CTAGE9: variants seen among roughly 807,000 people sequenced by gnomAD.
CTAGE9 encodes the protein CTAGE family member 9, also known as cutaneous T-cell lymphoma-associated antigen 9.
For synonymous variants in CTAGE9, 107 were observed against 315.9 expected (o/e 0.34, Z 7.01); for missense variants, 248 against 884.0 (o/e 0.28, Z 9.12).
chr6:131,710,896 G>C lies in CTAGE9; in HGVS notation c.122C>G (p.Ser41Trp). 6.2e-7 allele frequency: 1 copy of C among 1,605,020 alleles called. No individual in the cohort carries two copies. Among genetic ancestry groups the C allele is most frequent in the Non-Finnish European group, 8.5e-7 (1 of 1,179,534 alleles). ...AACAGCTGCACATACCACCAGTTCC[G>C]ATGGAAAACCATAAGGATTCTCATC... is the stretch of plus-strand genomic sequence containing the variant. ...RPDENPYGFP[S>W]ELVVCAAVIG... is the part of the protein sequence containing the mutation. The change falls in exon 1 of 1, where the codon TCG becomes TGG. Residue 41 changes from serine to tryptophan, a missense_variant. Physicochemically the swap from Ser to Trp is radical, Grantham distance 177. Coordinates refer to ENST00000314099, the MANE Select transcript of CTAGE9 (RefSeq NM_001145659.1).
Position 131,709,797 on chromosome 6 carries a change from A to G in CTAGE9, c.1221T>C (p.Asn407=), listed in dbSNP as rs764486428. 1.2e-5 allele frequency: 20 copies of G among 1,612,776 alleles called. 1 individual carries two copies. The South Asian group carries it at 2.2e-4, about 18-fold the overall frequency. Residue 407 remains asparagine, a synonymous_variant, in exon 1 of 1, where the codon AAT becomes AAC. Coordinates refer to ENST00000314099, the MANE Select transcript of CTAGE9 (RefSeq NM_001145659.1). The stretch of plus-strand genomic sequence containing the variant: ...GCTTCTCTTCTTCCTCTATTCGGTA[A>G]TTTTCCTCCACTGTTAATTTCCTGT... ...KLYRKLTVEE[N]YRIEEEEKLS...
Position 131,709,773 on chromosome 6 carries a change from C to T in CTAGE9, c.1245G>A (p.Lys415=). The change falls in exon 1 of 1, where the codon AAG becomes AAA. Residue 415 remains lysine, a synonymous_variant. Transcript: ENST00000314099. ...TGATCTTTTCTTCCACTCTAGAAAG[C>T]TTCTCTTCTTCCTCTATTCGGTAAT... ...EENYRIEEEE[K]LSRVEEKISH... is the part of the protein sequence containing the mutation. The T allele has an allele frequency of 2.5e-6, 4 of 1,613,864 alleles. No homozygotes were observed. The highest frequency in any genetic ancestry group is 3.4e-6 in the Non-Finnish European group (4 of 1,179,904).
Position 131,709,989 on chromosome 6 carries a change from A to G in CTAGE9, c.1029T>C (p.Ser343=). ...GCTCTTCCTTTGTTTTGTCCACTTCAGATAACTGAATAATAATGTGGTTTC... is the reference window on the plus strand; with the variant it reads ...GCTCTTCCTTTGTTTTGTCCACTTCGGATAACTGAATAATAATGTGGTTTC... ...GERNHIIIQL[S]EVDKTKEELT... Residue 343 remains serine (S), a synonymous_variant, in exon 1 of 1, where the codon TCT becomes TCC. Transcript: ENST00000314099. The G allele has an allele frequency of 6.2e-7, 1 of 1,601,886 alleles. No homozygotes were observed. Among genetic ancestry groups the G allele is most frequent in the East Asian group, 2.2e-5 (1 of 44,750 alleles).
rs9398993 is a variant in CTAGE9 at position 131,708,897 on chromosome 6, T to C, written c.2121A>G (p.Pro707=). 33,364 of 1,607,692 alleles carry C rather than the reference T, an allele frequency of 0.021. 2,340 individuals carry two copies. Among genetic ancestry groups the C allele is most frequent in the East Asian group, 0.15 (6,845 of 44,740 alleles). The change falls in exon 1 of 1, where the codon CCA becomes CCG. Residue 707 remains proline (P), a synonymous_variant. Coordinates refer to ENST00000314099, the MANE Select transcript of CTAGE9 (RefSeq NM_001145659.1). ...PLAPISGPLF[P]VDTRGPFMRR... Reference sequence around the variant, plus strand: ...TCATGAATGGGCCCCTTGTATCCACTGGAAACAATGGACCGCTGATTGGAG... The same window carrying C: ...TCATGAATGGGCCCCTTGTATCCACCGGAAACAATGGACCGCTGATTGGAG...
Position 131,708,495 on chromosome 6 carries a change from A to G in CTAGE9, c.*189T>C, listed in dbSNP as rs1779692453. 6.6e-6 allele frequency among the ~76,000 whole-genome samples: 1 copy of G among 152,262 alleles called. No homozygotes were observed. The highest frequency in any genetic ancestry group is 1.5e-5 in the Non-Finnish European group (1 of 68,054). On this transcript the variant is annotated 3_prime_UTR_variant, in exon 1 of 1. Coordinates refer to ENST00000314099, the MANE Select transcript of CTAGE9 (RefSeq NM_001145659.1). ...ATACTATCCTGAGAACTATTATTCCATTAAACTTCAATTTGAGAAAAGTGC... is the reference window on the plus strand; with the variant it reads ...ATACTATCCTGAGAACTATTATTCCGTTAAACTTCAATTTGAGAAAAGTGC...
chr6:131,710,758 T>G lies in CTAGE9; in HGVS notation c.260A>C (p.Glu87Ala). The stretch of plus-strand genomic sequence containing the variant: ...CTTTTCAAGTAGTTTACATTTTTCT[T>G]CAATTAGTCCAGAAAGCGTTGCACC... ...KLGATLSGLI[E>A]EKCKLLEKFS... Residue 87 changes from glutamate to alanine, a missense_variant, in exon 1 of 1, where the codon GAA (glutamate) becomes GCA (alanine). Glu to Ala is a moderately radical substitution (Grantham distance 107). Transcript: ENST00000314099. 2 of 1,612,598 alleles carry G rather than the reference T, an allele frequency of 1.2e-6. No homozygotes were observed. Among genetic ancestry groups the G allele is most frequent in the Non-Finnish European group, 1.7e-6 (2 of 1,179,782 alleles).
chr6:131,709,516 T>C lies in CTAGE9; in HGVS notation c.1502A>G (p.Glu501Gly). The change falls in exon 1 of 1, where the codon GAA becomes GGA. Residue 501 changes from glutamate to glycine, a missense_variant. Transcript: ENST00000314099. ...AACATCGAGTGCATTAGGATCTTTT[T>C]CTAAAAGTTCAAATTTCAACTCTCT... ...TERELKFELL[E>G]KDPNALDVSN... The C allele has an allele frequency of 6.2e-7, 1 of 1,613,852 alleles. No homozygotes were observed. The highest frequency in any genetic ancestry group is 8.5e-7 in the Non-Finnish European group (1 of 1,179,886).
rs1466573622 is a variant in CTAGE9 at position 131,710,145 on chromosome 6, A to G, written c.873T>C (p.Asp291=). The change falls in exon 1 of 1, where the codon GAT becomes GAC. Residue 291 remains aspartate, a synonymous_variant. Transcript: ENST00000314099. ...AVLEEDTTDD[D]NLELKVNSQW... is the part of the protein sequence containing the mutation. The stretch of plus-strand genomic sequence containing the variant: ...GACTGTTCACTTTTAATTCCAGGTT[A>G]TCATCATCCGTTGTGTCTTCTTCAA... 1.2e-6 allele frequency: 2 copies of G among 1,613,910 alleles called. No homozygotes were observed. The highest frequency in any genetic ancestry group is 1.7e-6 in the Non-Finnish European group (2 of 1,179,876).
chr6:131,708,874 A>G lies in CTAGE9; in HGVS notation c.2144T>C (p.Met715Thr). 1.2e-6 allele frequency: 2 copies of G among 1,608,986 alleles called. No individual in the cohort carries two copies. The highest frequency in any genetic ancestry group is 1.7e-6 in the Non-Finnish European group (2 of 1,179,796). The stretch of plus-strand genomic sequence containing the variant: ...TGGGGGGAAAGGAGGTCCTCTTCTC[A>G]TGAATGGGCCCCTTGTATCCACTGG... ...LFPVDTRGPF[M>T]RRGPPFPPPP... The change falls in exon 1 of 1, where the codon ATG (methionine) becomes ACG (threonine). Residue 715 changes from methionine (M) to threonine (T), a missense_variant. Transcript: ENST00000314099.
rs1316549893 is a variant in CTAGE9, at chr6:131,709,584, A to G, written c.1434T>C (p.Asp478=). ...AARTAERNLS[D]LRKENAHNKQ... Reference sequence around the variant, plus strand: ...TGTTGTGAGCATTTTCTTTCCTTAAATCACTGAGGTTTCTTTCAGCAGTCC... The same window carrying G: ...TGTTGTGAGCATTTTCTTTCCTTAAGTCACTGAGGTTTCTTTCAGCAGTCC... The change falls in exon 1 of 1, where the codon GAT becomes GAC. Residue 478 remains aspartate, a synonymous_variant. Coordinates refer to ENST00000314099, the MANE Select transcript of CTAGE9 (RefSeq NM_001145659.1). 6.2e-7 allele frequency: 1 copy of G among 1,613,554 alleles called. No individual in the cohort carries two copies. Among genetic ancestry groups the G allele is most frequent in the Admixed American group, 1.7e-5 (1 of 59,982 alleles).
In CTAGE9 at chr6:131,710,136, T is replaced by C. The variant is rs1247661904; in HGVS notation, c.882A>G (p.Glu294=). Residue 294 remains glutamate (E), a synonymous_variant, in exon 1 of 1, where the codon GAA becomes GAG. Transcript: ENST00000314099. ...TTTCCCATTGACTGTTCACTTTTAA[T>C]TCCAGGTTATCATCATCCGTTGTGT... The part of the protein sequence containing the change: ...EEDTTDDDNL[E]LKVNSQWENG... 8.7e-6 allele frequency: 14 copies of C among 1,613,880 alleles called. No homozygotes were observed. The African/African-American group carries it at 1.7e-4, about 20-fold the overall frequency.
At position 131,709,768 on chromosome 6, in the gene CTAGE9, G is replaced by C. The variant is rs1283887462; in HGVS notation, c.1250C>G (p.Ser417Cys). 1.9e-6 allele frequency: 3 copies of C among 1,613,704 alleles called. No individual in the cohort carries two copies. The African/African-American group carries it at 4.0e-5, about 22-fold the overall frequency. The change falls in exon 1 of 1, where the codon TCT (serine) becomes TGT (cysteine). Residue 417 changes from serine to cysteine, a missense_variant. Ser to Cys is a moderately radical substitution (Grantham distance 112). Coordinates refer to ENST00000314099, the MANE Select transcript of CTAGE9 (RefSeq NM_001145659.1). ...ATGGCTGATCTTTTCTTCCACTCTA[G>C]AAAGCTTCTCTTCTTCCTCTATTCG... is the stretch of plus-strand genomic sequence containing the variant. ...NYRIEEEEKL[S>C]RVEEKISHAT...
Position 131,708,621 on chromosome 6 carries a change from G to A in CTAGE9, c.*63C>T. On this transcript the variant is annotated 3_prime_UTR_variant, in exon 1 of 1. Transcript: ENST00000314099. ...TTGTCAGGTGTCTTGCTGTGGTTCTGGATGTCCAGTAGCAGGCTCCTTTGA... is the reference window on the plus strand; with the variant it reads ...TTGTCAGGTGTCTTGCTGTGGTTCTAGATGTCCAGTAGCAGGCTCCTTTGA... 6.4e-7 allele frequency: 1 copy of A among 1,563,490 alleles called. No individual in the cohort carries two copies. The highest frequency in any genetic ancestry group is 1.2e-5 in the South Asian group (1 of 86,208).
In CTAGE9 at chr6:131,710,147, C is replaced by A; in HGVS notation, c.871G>T (p.Asp291Tyr). 1 of 1,613,872 alleles carries A rather than the reference C, an allele frequency of 6.2e-7. No homozygotes were observed. The highest frequency in any genetic ancestry group is 8.5e-7 in the Non-Finnish European group (1 of 1,179,862). ...AVLEEDTTDD[D>Y]NLELKVNSQW... is the part of the protein sequence containing the mutation. Reference sequence around the variant, plus strand: ...CTGTTCACTTTTAATTCCAGGTTATCATCATCCGTTGTGTCTTCTTCAAGC... The same window carrying A: ...CTGTTCACTTTTAATTCCAGGTTATAATCATCCGTTGTGTCTTCTTCAAGC... Residue 291 changes from aspartate to tyrosine, a missense_variant, in exon 1 of 1, where the codon GAT becomes TAT. Coordinates refer to ENST00000314099, the MANE Select transcript of CTAGE9 (RefSeq NM_001145659.1).
Position 131,709,936 on chromosome 6 carries a change from G to A in CTAGE9, c.1082C>T (p.Thr361Ile), listed in dbSNP as rs201308728. ...ELTEHIKNLQ[T>I]QQASLQSENI... Reference sequence around the variant, plus strand: ...TTCTGATTGCAAAGATGCTTGTTGAGTCTGAAGATTTTTAATATGCTCTGT... The same window carrying A: ...TTCTGATTGCAAAGATGCTTGTTGAATCTGAAGATTTTTAATATGCTCTGT... Residue 361 changes from threonine (T) to isoleucine (I), a missense_variant, in exon 1 of 1, where the codon ACT becomes ATT. Transcript: ENST00000314099. The A allele has an allele frequency of 2.6e-4, 405 of 1,580,418 alleles. No homozygotes were observed. The highest frequency in any genetic ancestry group is 3.1e-4 in the Non-Finnish European group (365 of 1,163,622).
chr6:131,709,508 G>C lies in CTAGE9; in HGVS notation c.1510C>G (p.Pro504Ala). ...GTATTTGAAACATCGAGTGCATTAG[G>C]ATCTTTTTCTAAAAGTTCAAATTTC... Reference protein sequence around the residue: ...ELKFELLEKDPNALDVSNTAF... With the variant: ...ELKFELLEKDANALDVSNTAF... The change falls in exon 1 of 1, where the codon CCT becomes GCT. Residue 504 changes from proline (P) to alanine (A), a missense_variant. Physicochemically the swap from Pro to Ala is conservative, Grantham distance 27. Transcript: ENST00000314099. 1 of 1,613,600 alleles carries C rather than the reference G, an allele frequency of 6.2e-7. No homozygotes were observed. Among genetic ancestry groups the C allele is most frequent in the Middle Eastern group, 1.7e-4 (1 of 5,994 alleles).
chr6:131,709,778 C>G lies in CTAGE9; in HGVS notation c.1240G>C (p.Glu414Gln). ...VEENYRIEEE[E>Q]KLSRVEEKIS... ...TTTTCTTCCACTCTAGAAAGCTTCTCTTCTTCCTCTATTCGGTAATTTTCC... is the reference window on the plus strand; with the variant it reads ...TTTTCTTCCACTCTAGAAAGCTTCTGTTCTTCCTCTATTCGGTAATTTTCC... Residue 414 changes from glutamate (E) to glutamine (Q), a missense_variant, in exon 1 of 1, where the codon GAG becomes CAG. Glu to Gln is a conservative substitution (Grantham distance 29). Coordinates refer to ENST00000314099, the MANE Select transcript of CTAGE9 (RefSeq NM_001145659.1). 1.2e-6 allele frequency: 2 copies of G among 1,613,820 alleles called. No individual in the cohort carries two copies. Among genetic ancestry groups the G allele is most frequent in the Non-Finnish European group, 1.7e-6 (2 of 1,179,898 alleles).
Position 131,710,137 on chromosome 6 carries a change from T to C in CTAGE9, c.881A>G (p.Glu294Gly). The C allele has an allele frequency of 6.2e-7, 1 of 1,613,964 alleles. No individual in the cohort carries two copies. Among genetic ancestry groups the C allele is most frequent in the African/African-American group, 1.3e-5 (1 of 75,030 alleles). ...TTCCCATTGACTGTTCACTTTTAAT[T>C]CCAGGTTATCATCATCCGTTGTGTC... ...EEDTTDDDNL[E>G]LKVNSQWENG... The change falls in exon 1 of 1, where the codon GAA becomes GGA. Residue 294 changes from glutamate (E) to glycine (G), a missense_variant. Transcript: ENST00000314099.
At position 131,709,686 on chromosome 6, in the gene CTAGE9, C is replaced by T. The variant is rs757602923; in HGVS notation, c.1332G>A (p.Leu444=). The change falls in exon 1 of 1, where the codon TTG becomes TTA. Residue 444 remains leucine (L), a synonymous_variant. Coordinates refer to ENST00000314099, the MANE Select transcript of CTAGE9 (RefSeq NM_001145659.1). ...RKLAKDLEEE[L]ERTVHFYQKQ... ...TTTGATAAAAATGAACAGTTCTCTC[C>T]AATTCTTCTTCAAGATCTTTGGCTA... 7 of 1,613,348 alleles carry T rather than the reference C, an allele frequency of 4.3e-6. No homozygotes were observed. The highest frequency in any genetic ancestry group is 5.9e-6 in the Non-Finnish European group (7 of 1,179,846).
Sources: allele counts gnomAD v4.1 joint callset (sites outside exome capture counted in the v4.1 genomes callset), GRCh38; gene constraint gnomAD v4.1.1; transcripts MANE v1.5; gene names NCBI Gene and HGNC (gene_info 2026-07-23, HGNC 2026-07-21).